The following ANKRD44 variants were observed in gnomAD, a reference collection of about 807,000 sequenced individuals.
ANKRD44 encodes serine/threonine-protein phosphatase 6 regulatory ankyrin repeat subunit B.
A neutral mutation model predicts 116.0 loss-of-function variants in ANKRD44; 35 were observed. The observed-to-expected ratio is 0.30, with a 90% CI of 0.23 to 0.40. The LOEUF is 0.40. ANKRD44 is among the 10% of genes least tolerant of loss of function. The pLI is 1.00. For missense variants in ANKRD44, 1,014 were observed against 1,242.6 expected (o/e 0.82, Z 2.77); for synonymous variants, 435 against 461.8 (o/e 0.94, Z 0.74).
chr2:197,025,692 G>A (rs1240855972), intron 16 of ANKRD44, among the ~76,000 whole-genome samples: 1 of 152,244 alleles, frequency 6.6e-6, no homozygotes, highest in Non-Finnish European at 1.5e-5. Context: ...GCTGTAATGA[G>A]AATAAAATAC....
At chr2:197,142,305 T>G (rs535386505) in intron 3 of ANKRD44, among the ~76,000 whole-genome samples, 1 of 152,176 alleles carries the variant, frequency 6.6e-6, no homozygotes, top group Non-Finnish European at 1.5e-5. Flanking sequence ...GTGGACTGAG[T>G]GTGACTGAAA....
intron 2 of ANKRD44, among the ~76,000 whole-genome samples, chr2:197,162,525 A>G (rs2079992203): frequency 6.6e-6 from 1 of 152,204 alleles, no homozygotes; most frequent in Non-Finnish European, 1.5e-5. Flanking sequence ...ACGGCACAAA[A>G]CAACTCCCTC....
chr2:197,224,798 T>TA (rs748171392), intron 1 of ANKRD44, among the ~76,000 whole-genome samples: 48 of 152,246 alleles, frequency 3.2e-4, no homozygotes, highest in Non-Finnish European at 6.0e-4. Flanking sequence ...TGGTTGTTTC[T>TA]AAAGCACCTC....
At chr2:197,307,721 C>A (rs2084116047) in intron 1 of ANKRD44, among the ~76,000 whole-genome samples, 1 of 152,162 alleles carries the variant, frequency 6.6e-6, no homozygotes, top group South Asian at 2.1e-4. Flanking sequence ...AGCTCCTGCA[C>A]CCAGCTTTAG....
At chr2:197,219,070 C>CT (rs1185156257) in intron 1 of ANKRD44, among the ~76,000 whole-genome samples, 12,474 of 113,042 alleles carry the variant, frequency 0.11, 864 homozygotes, top group Non-Finnish European at 0.14. Flanking sequence ...GCTAAAGTTC[C>CT]TTTTTTTTTT....
downstream of ANKRD44, among the ~76,000 whole-genome samples, chr2:196,984,052 C>T (rs1009914466): frequency 2.6e-5 from 4 of 152,172 alleles, no homozygotes; most frequent in East Asian, 1.9e-4. Flanking sequence ...TGTAAGTTCT[C>T]GTTCTGAGGG....
chr2:197,220,781 A>G (rs979879697), intron 1 of ANKRD44, among the ~76,000 whole-genome samples: 1 of 152,196 alleles, frequency 6.6e-6, no homozygotes, highest in African/African-American at 2.4e-5. Context: ...AACAGCCTTT[A>G]TTAAAGGGGC....
At chr2:197,101,784 G>A (rs575878851) in intron 9 of ANKRD44, among the ~76,000 whole-genome samples, 15 of 152,094 alleles carry the variant, frequency 9.9e-5, no homozygotes, top group South Asian at 6.2e-4. Context: ...GCATATGTGG[G>A]GAGTACTTTG....
At chr2:197,110,946 A>T (rs2078550866) in intron 8 of ANKRD44, 102 bp from the exon 9 acceptor site, 2 of 796,178 alleles carry the variant, frequency 2.5e-6, no homozygotes, top group Non-Finnish European at 2.2e-6. Context: ...CCCTGAAAAC[A>T]TTCATTTATT....
intron 16 of ANKRD44, among the ~76,000 whole-genome samples, chr2:197,045,955 G>A (rs1275362707): frequency 6.6e-6 from 1 of 152,148 alleles, no homozygotes; most frequent in African/African-American, 2.4e-5. Context: ...GCAGCAGCCA[G>A]AGATAACCAA....
chr2:196,969,627 T>A (rs1420688590), intron 21 of ANKRD44, among the ~76,000 whole-genome samples: 1 of 152,200 alleles, frequency 6.6e-6, no homozygotes, highest in Non-Finnish European at 1.5e-5. Flanking sequence ...ACATTGCTAG[T>A]GATATACCAT....
At chr2:197,112,231 GTC>G (rs1336103118) in intron 8 of ANKRD44, among the ~76,000 whole-genome samples, 1 of 152,126 alleles carries the variant, frequency 6.6e-6, no homozygotes, top group Non-Finnish European at 1.5e-5. Flanking sequence ...ATTTCTCTAA[GTC>G]TGAGATTAAA....
chr2:197,257,278 G>A (rs2082473735), intron 1 of ANKRD44, among the ~76,000 whole-genome samples: 2 of 152,104 alleles, frequency 1.3e-5, no homozygotes, highest in South Asian at 4.1e-4. Flanking sequence ...ACCCACCTGG[G>A]AAAGCTAAAT....
intron 1 of ANKRD44, among the ~76,000 whole-genome samples, chr2:197,272,684 T>C (rs2082935030): frequency 6.6e-6 from 1 of 152,074 alleles, no homozygotes; most frequent in Non-Finnish European, 1.5e-5. Context: ...CATTATGAAA[T>C]AGACCCAGAG....
In ANKRD44 at chr2:197,015,357, G is replaced by A. The variant is rs1014916022; in HGVS notation, c.1723-1645C>T. ...CAAGATTACAACCACAGAAGTTATGGAAGACAGGCAGATTGGAAAAAAAGA... is the reference window on the plus strand; with the variant it reads ...CAAGATTACAACCACAGAAGTTATGAAAGACAGGCAGATTGGAAAAAAAGA... On this transcript the variant is annotated intron_variant, in intron 17 of 27. Transcript: ENST00000282272. The A allele has an allele frequency of 2.5e-5, 14 of 557,548 alleles. No individual in the cohort carries two copies. The Admixed American group carries it at 3.3e-4, about 13-fold the overall frequency. The allele number at this position is 557,548 out of a possible 1,614,324, so 34.5% of individuals were successfully genotyped here.
In ANKRD44 at chr2:197,089,957, TAAC is replaced by T. The variant is rs751612920; in HGVS notation, c.1173_1175del (p.Leu392del). ...GCTAACAGATTTACTTACCCGATGA[TAAC>T]AACTTTCTGCAGCAGTCAGAGTGAG... is the stretch of plus-strand genomic sequence containing the variant. On this transcript the variant is annotated inframe_deletion, in exon 11 of 28. Transcript: ENST00000282272. 2 of 1,613,834 alleles carry T rather than the reference TAAC, an allele frequency of 1.2e-6. No individual in the cohort carries two copies. The highest frequency in any genetic ancestry group is 1.7e-5 in the Admixed American group (1 of 60,018).
intron 1 of ANKRD44, among the ~76,000 whole-genome samples, chr2:197,281,853 CTTGT>C (rs1218765359): frequency 1.3e-5 from 2 of 152,156 alleles, no homozygotes; most frequent in Non-Finnish European, 2.9e-5. Context: ...AAGTTTAAAT[CTTGT>C]TTAAATCCAC....
At chr2:197,117,001 T>G (rs1444391587) in intron 8 of ANKRD44, among the ~76,000 whole-genome samples, 1 of 152,214 alleles carries the variant, frequency 6.6e-6, no homozygotes, top group African/African-American at 2.4e-5. Flanking sequence ...GATTTATGTA[T>G]GATAAAGCTG....
At chr2:197,074,794 T>C (rs566881476) in intron 16 of ANKRD44, among the ~76,000 whole-genome samples, 1 of 152,176 alleles carries the variant, frequency 6.6e-6, no homozygotes, top group Non-Finnish European at 1.5e-5. Context: ...GTCTGTCTTA[T>C]ACAGACACAT....
Sources: gnomAD v4.1 joint callset for allele counts (sites outside exome capture counted in the v4.1 genomes callset) on GRCh38, gnomAD v4.1.1 for gene constraint, MANE v1.5 for transcripts, NCBI Gene and HGNC (gene_info 2026-07-23, HGNC 2026-07-21) for gene names.